TCN2: variants seen among roughly 807,000 people sequenced by gnomAD.
The protein encoded by TCN2 is transcobalamin 2.
In TCN2, 34 loss-of-function variants were observed where a neutral mutation model predicts 48.6. That is an observed-to-expected ratio of 0.70 (90% CI 0.53 to 0.93). TCN2 has a LOEUF of 0.93. TCN2 is among the 40% of genes least tolerant of loss of function. TCN2 has a pLI of 0.00. For synonymous variants in TCN2, 283 were observed against 212.5 expected (o/e 1.33, Z -2.89); for missense variants, 652 against 526.1 (o/e 1.24, Z -2.34).
rs958407584 is a variant in TCN2 at position 30,618,541 on chromosome 22, A to G, written c.1106+1046A>G. Among the ~76,000 whole-genome samples the G allele has an allele frequency of 5.1e-4, 77 of 152,188 alleles. 1 individual carries two copies. Among genetic ancestry groups the G allele is most frequent in the Admixed American group, 5.0e-3 (77 of 15,272 alleles). ...TAATTTTTGTATTTTTAGTAGAGAC[A>G]GGGTTTTACTATGTTGGCCAGCTGG... On this transcript the variant is annotated intron_variant, in intron 7 of 8. Transcript: ENST00000215838.
chr22:30,623,787 T>TATACACACATATAC (rs1569046401), intron 8 of TCN2, among the ~76,000 whole-genome samples: 7 of 2,054 alleles, frequency 3.4e-3, no homozygotes, highest in Admixed American at 8.2e-3. Context: ...TATATATGTA[T>TATACACACATATAC]ACATATATAC....
Position 30,626,412 on chromosome 22 carries a change from G to A in TCN2, c.1223-48G>A, listed in dbSNP as rs749466178. ...GGTCTGGAAGATGAGGTTGCGGGGTGCGATATTCTGCCCAATTCGCCCCTC... is the reference window on the plus strand; with the variant it reads ...GGTCTGGAAGATGAGGTTGCGGGGTACGATATTCTGCCCAATTCGCCCCTC... On this transcript the variant is annotated intron_variant, in intron 8 of 8. Transcript: ENST00000215838. 9 of 1,598,080 alleles carry A rather than the reference G, an allele frequency of 5.6e-6. No homozygotes were observed. The South Asian group carries it at 7.7e-5, about 14-fold the overall frequency.
intron 4 of TCN2, 81 bp from the exon 5 acceptor site, chr22:30,615,220 A>T (rs1304709747): frequency 1.3e-6 from 2 of 1,498,734 alleles, no homozygotes; most frequent in Non-Finnish European, 1.9e-6. Context: ...CCATAGCTAC[A>T]AGGGCCTGAC....
At position 30,615,803 on chromosome 22, in the gene TCN2, G is replaced by T. The variant is rs1360182209; in HGVS notation, c.940+16G>T. On this transcript the variant is annotated intron_variant, in intron 6 of 8. Transcript: ENST00000215838. The stretch of plus-strand genomic sequence containing the variant: ...GCACCACGAGGTAGCCCAACTTTTT[G>T]TGGAAGCACAGCCCTTTACAATCTG... The T allele has an allele frequency of 6.2e-7, 1 of 1,614,010 alleles. No individual in the cohort carries two copies.
At chr22:30,623,294 T>TAAAA in intron 8 of TCN2, 1 of 432,552 alleles carries the variant, frequency 2.3e-6, no homozygotes. Flanking sequence ...CCAGACAGAT[T>TAAAA]ACAAAAAAAA....
Position 30,615,375 on chromosome 22 carries a change from A to G in TCN2, c.655A>G (p.Ile219Val), listed in dbSNP as rs2087597138. Residue 219 changes from isoleucine (I) to valine (V), a missense_variant, in exon 5 of 9, where the codon ATC becomes GTC. By Grantham distance (29) the Ile-to-Val change is conservative. Transcript: ENST00000215838. ...SNFNPGRRQR[I>V]TMAIRTVREE... ...CTTCAACCCTGGTCGGAGACAACGG[A>G]TCACCATGGCCATCAGAACAGTGCG... 1 of 1,614,144 alleles carries G rather than the reference A, an allele frequency of 6.2e-7. No homozygotes were observed. The highest frequency in any genetic ancestry group is 8.5e-7 in the Non-Finnish European group (1 of 1,180,042).
intron 6 of TCN2, among the ~76,000 whole-genome samples, chr22:30,616,029 A>T (rs1303825002): frequency 1.8e-4 from 1 of 5,702 alleles, no homozygotes; most frequent in Non-Finnish European, 3.6e-4. Flanking sequence ...AAATGTTTGG[A>T]TGGATGGATG....
chr22:30,612,232 G>C (rs973994139), intron 2 of TCN2, among the ~76,000 whole-genome samples: 1 of 148,582 alleles, frequency 6.7e-6, no homozygotes, highest in Non-Finnish European at 1.5e-5. Flanking sequence ...GAGACAGAGA[G>C]ACCCTATCTC....
chr22:30,623,803 T>TGTATACGTATATATACACACATATATAC (rs2087742510), intron 8 of TCN2, among the ~76,000 whole-genome samples: 1 of 61,554 alleles, frequency 1.6e-5, no homozygotes, highest in South Asian at 3.5e-4. Context: ...TATACACACA[T>TGTATACGTATATATACACACATATATAC]ACACATATAT....
At chr22:30,612,331 A>G (rs1007015730) in intron 2 of TCN2, among the ~76,000 whole-genome samples, 1 of 152,044 alleles carries the variant, frequency 6.6e-6, no homozygotes, top group Non-Finnish European at 1.5e-5. Flanking sequence ...GGTAGATCAC[A>G]TGAGGTTAGG....
At chr22:30,626,389 T>C (rs1164248038) in intron 8 of TCN2, 71 bp from the exon 9 acceptor site, 5 of 1,514,026 alleles carry the variant, frequency 3.3e-6, no homozygotes, top group Non-Finnish European at 4.6e-6. Flanking sequence ...GGGTGGGGGG[T>C]CTGGAAGATG....
intron 7 of TCN2, 70 bp from the exon 8 acceptor site, chr22:30,622,898 G>T: frequency 6.6e-7 from 1 of 1,522,200 alleles, no homozygotes; most frequent in Non-Finnish European, 9.1e-7. Flanking sequence ...GCTGCTGTGG[G>T]TGAGCACTGC....
intron 1 of TCN2, 116 bp from the exon 2 acceptor site, chr22:30,610,754 TG>T: frequency 9.6e-7 from 1 of 1,039,024 alleles, no homozygotes; most frequent in African/African-American, 1.6e-5. Context: ...TGGTGTGTGC[TG>T]GGTGGAGGTG....
chr22:30,611,079 C>T lies in TCN2; in HGVS notation c.257+16C>T. The T allele has an allele frequency of 3.1e-6, 5 of 1,613,908 alleles. No homozygotes were observed. The highest frequency in any genetic ancestry group is 4.2e-6 in the Non-Finnish European group (5 of 1,179,896). ...GCCTCCTAGGGTATTGCCACACTCT[C>T]TTTTTCCATGTCTTGCTCCACATAC... On this transcript the variant is annotated intron_variant, in intron 2 of 8. Transcript: ENST00000215838.
At chr22:30,616,099 T>A (rs2087610180) in intron 6 of TCN2, among the ~76,000 whole-genome samples, 1 of 152,056 alleles carries the variant, frequency 6.6e-6, no homozygotes. Context: ...TTTGGTTAAC[T>A]CTAATACAAC....
At chr22:30,608,398 T>G (rs1414455676) in intron 1 of TCN2, among the ~76,000 whole-genome samples, 14 of 152,158 alleles carry the variant, frequency 9.2e-5, no homozygotes, top group Non-Finnish European at 1.8e-4. Flanking sequence ...TTCGTTTTGT[T>G]TTTTGTTGAG....
At position 30,617,364 on chromosome 22, in the gene TCN2, G is replaced by C. The variant is rs1208413292; in HGVS notation, c.975G>C (p.Gln325His). The change falls in exon 7 of 9, where the codon CAG becomes CAC. Residue 325 changes from glutamine (Q) to histidine (H), a missense_variant. Coordinates refer to ENST00000215838, the MANE Select transcript of TCN2 (RefSeq NM_000355.4). ...MLEPAAETIP[Q>H]TQEIISVTLQ... ...AACCAGCTGCTGAGACCATTCCTCAGACCCAAGAGATCATCAGTGTCACGC... is the reference window on the plus strand; with the variant it reads ...AACCAGCTGCTGAGACCATTCCTCACACCCAAGAGATCATCAGTGTCACGC... The C allele has an allele frequency of 6.2e-7, 1 of 1,614,116 alleles. No individual in the cohort carries two copies. Among genetic ancestry groups the C allele is most frequent in the Non-Finnish European group, 8.5e-7 (1 of 1,180,030 alleles).
At chr22:30,623,921 T>TATATGTATACATATACACACACACAC (rs2087754746) in intron 8 of TCN2, among the ~76,000 whole-genome samples, 3 of 23,360 alleles carry the variant, frequency 1.3e-4, no homozygotes, top group Non-Finnish European at 2.6e-4. Flanking sequence ...TACACACATA[T>TATATGTATACATATACACACACACAC]ATATGTATAC....
At chr22:30,621,726 C>T (rs367943428) in intron 7 of TCN2, among the ~76,000 whole-genome samples, 1 of 152,144 alleles carries the variant, frequency 6.6e-6, no homozygotes, top group East Asian at 1.9e-4. Flanking sequence ...TCAAGTGATC[C>T]ACCCGCTTTG....
Sources: gnomAD v4.1 joint callset for allele counts (sites outside exome capture counted in the v4.1 genomes callset) on GRCh38, gnomAD v4.1.1 for gene constraint, MANE v1.5 for transcripts, NCBI Gene and HGNC (gene_info 2026-07-23, HGNC 2026-07-21) for gene names.